FAM83F: variants seen among roughly 807,000 people sequenced by gnomAD.
FAM83F encodes scaffolding CK1 anchoring protein F.
A neutral mutation model predicts 42.9 loss-of-function variants in FAM83F; 45 were observed. The ratio of observed to expected loss-of-function variants is 1.05; its 90% CI spans 0.83 to 1.35. The LOEUF (loss-of-function observed/expected upper bound fraction) is 1.35. FAM83F is among the 40% of genes most tolerant of loss of function. FAM83F has a pLI of 0.00. For synonymous variants in FAM83F, 306 were observed against 298.3 expected (o/e 1.03, Z -0.27); for missense variants, 617 against 695.9 (o/e 0.89, Z 1.28).
chr22:40,000,025 TCA>T (rs1230423023), intron 1 of FAM83F, among the ~76,000 whole-genome samples: 2 of 152,214 alleles, frequency 1.3e-5, no homozygotes, highest in Non-Finnish European at 2.9e-5. Flanking sequence ...GCTTACTCTC[TCA>T]GTTTCCTTTC....
Position 40,021,184 on chromosome 22 carries a change from CCTG to C in FAM83F, c.780-104_780-102del. The C allele has an allele frequency of 7.7e-7, 1 of 1,305,174 alleles. No homozygotes were observed. The highest frequency in any genetic ancestry group is 1.0e-6 in the Non-Finnish European group (1 of 979,110). 80.8% of individuals were successfully genotyped at this position (1,305,174 alleles called of 1,614,324 possible). A position where few individuals can be genotyped will look rare whatever the true frequency, so the allele number is the denominator to read the frequency against. ...CGTGTGGCCCACAAGGAGCCGTACACCTGCAGCAAGGGTCTGGCCACAGCGGAG... is the reference window on the plus strand; with the variant it reads ...CGTGTGGCCCACAAGGAGCCGTACACCAGCAAGGGTCTGGCCACAGCGGAG... On this transcript the variant is annotated intron_variant, in intron 3 of 4. Transcript: ENST00000333407. This position sits in a 1 kb window ranked among gnomAD's most constrained non-coding sequence, Gnocchi z 8.7.
chr22:40,026,519 C>CA (rs1398665139), intron 4 of FAM83F, among the ~76,000 whole-genome samples: 6 of 151,900 alleles, frequency 3.9e-5, no homozygotes, highest in Admixed American at 6.6e-5. Flanking sequence ...GAATCTGTCT[C>CA]AAAAAACAAA....
At chr22:39,999,366 TAG>T (rs765246404) in intron 1 of FAM83F, among the ~76,000 whole-genome samples, 11 of 152,162 alleles carry the variant, frequency 7.2e-5, no homozygotes, top group Non-Finnish European at 1.6e-4. Context: ...TGGGCGGATT[TAG>T]AGAACGTTGC....
Position 40,029,642 on chromosome 22 carries a change from A to C in FAM83F, c.*77A>C, listed in dbSNP as rs2067575661. The C allele has an allele frequency of 1.3e-6, 2 of 1,558,568 alleles. No individual in the cohort carries two copies. Among genetic ancestry groups the C allele is most frequent in the Non-Finnish European group, 1.7e-6 (2 of 1,150,814 alleles). On this transcript the variant is annotated 3_prime_UTR_variant, in exon 5 of 5. Transcript: ENST00000333407. ...GTGCTGTGGAGAGCGCAGGTCGCAC[A>C]CTGCACCAGTTTGCACATCAGACGC...
At chr22:40,005,415 T>C (rs895413900) in intron 1 of FAM83F, among the ~76,000 whole-genome samples, 10 of 152,254 alleles carry the variant, frequency 6.6e-5, no homozygotes, top group African/African-American at 2.4e-4. Flanking sequence ...ACCAACTTAG[T>C]GCCGGGAAAG....
intron 4 of FAM83F, among the ~76,000 whole-genome samples, chr22:40,024,152 A>G (rs991971601): frequency 2.0e-5 from 3 of 152,088 alleles, no homozygotes; most frequent in Admixed American, 2.0e-4. Flanking sequence ...GGTGTGTGCC[A>G]CCATGCCTGG....
intron 3 of FAM83F, among the ~76,000 whole-genome samples, chr22:40,020,896 G>A (rs2067516092): frequency 1.3e-5 from 2 of 152,196 alleles, no homozygotes; most frequent in African/African-American, 4.8e-5. Flanking sequence ...AGTGGCAGCT[G>A]CAGTTACTAT....
chr22:40,029,080 CGTGTGT>C (rs55770640), intron 4 of FAM83F, among the ~76,000 whole-genome samples: 21,166 of 130,340 alleles, frequency 0.16, 1,701 homozygotes, highest in Non-Finnish European at 0.17. Flanking sequence ...CTTGGCTAGA[CGTGTGT>C]GTGTGTGTGT....
intron 2 of FAM83F, 53 bp downstream of exon 2, chr22:40,019,388 C>A: frequency 6.4e-7 from 1 of 1,556,692 alleles, no homozygotes; most frequent in Non-Finnish European, 8.8e-7. Flanking sequence ...CAGAGACTAC[C>A]TCTGCCCCGT....
rs754327344 is a variant in FAM83F, at chr22:40,021,672, G to A, written c.1162G>A (p.Val388Met). ...LVTVEQVLPP[V>M]EPIPLGELSQ... is the part of the protein sequence containing the mutation. ...TACGGTGGAGCAGGTGCTGCCCCCC[G>A]TGGAGCCCATCCCCTTGGGAGAGCT... The change falls in exon 4 of 5, where the codon GTG becomes ATG. Residue 388 changes from valine to methionine, a missense_variant. By Grantham distance (21) the Val-to-Met change is conservative. Coordinates refer to ENST00000333407, the MANE Select transcript of FAM83F (RefSeq NM_138435.4). This position sits in a 1 kb window ranked among gnomAD's most constrained non-coding sequence, Gnocchi z 8.7. 37 of 1,610,772 alleles carry A rather than the reference G, an allele frequency of 2.3e-5. No individual in the cohort carries two copies. In the Admixed American group the frequency reaches 2.5e-4, roughly 11 times the overall value.
chr22:40,015,398 A>G, intron 1 of FAM83F, among the ~76,000 whole-genome samples: 1 of 152,226 alleles, frequency 6.6e-6, no homozygotes, highest in East Asian at 1.9e-4. Context: ...CTCTCATAGA[A>G]ACATCCAGAA....
chr22:40,009,422 G>C (rs2067451764), intron 1 of FAM83F, among the ~76,000 whole-genome samples: 1 of 152,218 alleles, frequency 6.6e-6, no homozygotes, highest in African/African-American at 2.4e-5. Context: ...TCTTTCTCTG[G>C]CCATGCATCT....
chr22:40,022,470 C>G (rs745778958), intron 4 of FAM83F, among the ~76,000 whole-genome samples: 19 of 152,176 alleles, frequency 1.2e-4, no homozygotes, highest in Admixed American at 2.6e-4. Flanking sequence ...TAGACACACC[C>G]CACCCTCCCC....
intron 4 of FAM83F, among the ~76,000 whole-genome samples, chr22:40,022,581 T>C (rs954152769): frequency 6.6e-6 from 1 of 152,118 alleles, no homozygotes; most frequent in Non-Finnish European, 1.5e-5. Flanking sequence ...GCCCAGCTGC[T>C]TGTCCCTGGG....
At chr22:40,011,268 T>C (rs1339744042) in intron 1 of FAM83F, among the ~76,000 whole-genome samples, 1 of 152,184 alleles carries the variant, frequency 6.6e-6, no homozygotes, top group African/African-American at 2.4e-5. Flanking sequence ...CTCAGCTCAC[T>C]GCAACCTCCA....
At chr22:40,003,966 T>G (rs2067414850) in intron 1 of FAM83F, among the ~76,000 whole-genome samples, 1 of 152,056 alleles carries the variant, frequency 6.6e-6, no homozygotes, top group South Asian at 2.1e-4. Flanking sequence ...GACCCAGAAC[T>G]CTCTACCTTT....
chr22:40,018,034 G>A (rs770565288), intron 1 of FAM83F, among the ~76,000 whole-genome samples: 1 of 152,234 alleles, frequency 6.6e-6, no homozygotes, highest in Non-Finnish European at 1.5e-5. Flanking sequence ...TAGGAAGCTG[G>A]AAGTAGCTGT....
At chr22:40,026,633 C>T (rs2067554611) in intron 4 of FAM83F, among the ~76,000 whole-genome samples, 1 of 152,204 alleles carries the variant, frequency 6.6e-6, no homozygotes, top group African/African-American at 2.4e-5. Flanking sequence ...ACAGCAGCAA[C>T]TTGCTTCCCA....
chr22:40,000,794 C>T (rs148708155), intron 1 of FAM83F, among the ~76,000 whole-genome samples: 2 of 152,290 alleles, frequency 1.3e-5, no homozygotes, highest in African/African-American at 2.4e-5. Context: ...CCCCTTCCAT[C>T]TAAGGGGGAC....
Sources: allele counts gnomAD v4.1 joint callset (sites outside exome capture counted in the v4.1 genomes callset), GRCh38; gene constraint gnomAD v4.1.1; non-coding constraint Gnocchi (gnomAD v3.1); transcripts MANE v1.5; gene names NCBI Gene and HGNC (gene_info 2026-07-23, HGNC 2026-07-21).